Variants in NALCN observed in about 807,000 individuals in gnomAD.
NALCN encodes sodium leak channel NALCN.
Under a neutral mutation model 225.3 loss-of-function variants are expected in NALCN, and 111 were observed. The ratio of observed to expected loss-of-function variants is 0.49; its 90% CI spans 0.42 to 0.58. The LOEUF is 0.58. Among genes scored for constraint, NALCN ranks in the 20% least tolerant of loss-of-function variants. The probability of loss-of-function intolerance (pLI) is 0.00; values close to 1 mark genes in which losing one functional copy is unlikely to be tolerated. For missense variants in NALCN, 1,378 were observed against 2,202.4 expected, an observed-to-expected ratio of 0.63 and a Z score of 7.49; for synonymous variants, 764 against 769.0, an observed-to-expected ratio of 0.99 and a Z score of 0.11.
chr13:101,188,108 A>G (rs1419216087), intron 14 of NALCN, among the ~76,000 whole-genome samples: 1 of 152,200 alleles, frequency 6.6e-6, no homozygotes, highest in African/African-American at 2.4e-5. Flanking sequence ...GCAGCATTAT[A>G]AAAGTACAAC....
chr13:101,058,428 A>G, intron 42 of NALCN: 1 of 159,568 alleles, frequency 6.3e-6, no homozygotes, highest in Non-Finnish European at 1.3e-5. Context: ...GGGCGGGGGC[A>G]GTCTACTGTC....
intron 17 of NALCN, among the ~76,000 whole-genome samples, chr13:101,130,599 G>C (rs762347593): frequency 8.5e-5 from 13 of 152,170 alleles, no homozygotes; most frequent in Non-Finnish European, 1.9e-4. Context: ...CTTGAAAGTT[G>C]AAAGTCAGTT....
At chr13:101,197,848 G>T (rs1157082609) in intron 13 of NALCN, among the ~76,000 whole-genome samples, 1 of 152,124 alleles carries the variant, frequency 6.6e-6, no homozygotes, top group Non-Finnish European at 1.5e-5. Flanking sequence ...CAGTTGAGTG[G>T]GACAACAAAA....
At chr13:101,219,418 TTG>T (rs2040855867) in intron 13 of NALCN, among the ~76,000 whole-genome samples, 1 of 152,098 alleles carries the variant, frequency 6.6e-6, no homozygotes, top group Non-Finnish European at 1.5e-5. Flanking sequence ...TGACAGATGT[TTG>T]TGTTGGTTCA....
At chr13:101,347,170 A>G (rs1296351067) in intron 6 of NALCN, among the ~76,000 whole-genome samples, 1 of 131,392 alleles carries the variant, frequency 7.6e-6, no homozygotes, top group African/African-American at 2.8e-5. Flanking sequence ...CACACACCCC[A>G]TGGCTGGTGA....
intron 7 of NALCN, among the ~76,000 whole-genome samples, chr13:101,304,250 ATTATG>A (rs1326883412): frequency 6.6e-6 from 1 of 151,790 alleles, no homozygotes; most frequent in Non-Finnish European, 1.5e-5. Context: ...TTGTTATTTT[ATTATG>A]TTATTATTTT....
At chr13:101,106,743 T>C (rs934583911) in intron 22 of NALCN, among the ~76,000 whole-genome samples, 1 of 152,316 alleles carries the variant, frequency 6.6e-6, no homozygotes, top group African/African-American at 2.4e-5. Flanking sequence ...GATGTGCCTT[T>C]TGCCTTCCAC....
At chr13:101,111,712 A>G (rs2035449082) in intron 18 of NALCN, among the ~76,000 whole-genome samples, 1 of 152,112 alleles carries the variant, frequency 6.6e-6, no homozygotes, top group African/African-American at 2.4e-5. Context: ...GATGGTTTTA[A>G]AAAGGGGAGT....
intron 1 of NALCN, among the ~76,000 whole-genome samples, chr13:101,411,156 A>G (rs2047770060): frequency 6.6e-6 from 1 of 152,082 alleles, no homozygotes; most frequent in South Asian, 2.1e-4. Context: ...GAGTTTATCT[A>G]TGTCATAGTG....
chr13:101,235,606 A>G (rs2041525884), intron 12 of NALCN, among the ~76,000 whole-genome samples: 1 of 152,200 alleles, frequency 6.6e-6, no homozygotes, highest in Non-Finnish European at 1.5e-5. Context: ...TTAAACATGT[A>G]TATCTCTTGC....
intron 7 of NALCN, among the ~76,000 whole-genome samples, chr13:101,326,758 A>G (rs1026819421): frequency 6.6e-6 from 1 of 152,214 alleles, no homozygotes; most frequent in Non-Finnish European, 1.5e-5. Context: ...GTGGTTCTGC[A>G]GAAGGCAATT....
chr13:101,059,239 G>T (rs2031629144), intron 42 of NALCN: 1 of 152,354 alleles, frequency 6.6e-6, no homozygotes, highest in Non-Finnish European at 1.5e-5. Flanking sequence ...CATACATAGA[G>T]TTTGAAAATG....
At chr13:101,088,710 G>A (rs2034057472) in intron 30 of NALCN, among the ~76,000 whole-genome samples, 1 of 152,130 alleles carries the variant, frequency 6.6e-6, no homozygotes, top group African/African-American at 2.4e-5. Flanking sequence ...CAAGTGCCTA[G>A]ATGAGCAAGC....
chr13:101,137,529 TA>T (rs201371119), intron 17 of NALCN, among the ~76,000 whole-genome samples: 32 of 151,738 alleles, frequency 2.1e-4, no homozygotes, highest in East Asian at 3.9e-4. Context: ...TGTATGGCAA[TA>T]AAAAAAACGG....
In NALCN at chr13:101,378,643, G is replaced by A; in HGVS notation, c.302C>T (p.Ser101Phe). Residue 101 changes from serine to phenylalanine, a missense_variant, in exon 4 of 44, where the codon TCC (serine) becomes TTC (phenylalanine). Around this residue, in one of 19 missense-constraint regions of NALCN, gnomAD observed 146 missense variants for 205.9 expected, o/e 0.71. Coordinates refer to ENST00000251127, the MANE Select transcript of NALCN (RefSeq NM_052867.4). ...AACACACCAGCGATCTTTCACATAGGAACTATCCCCCTAAAAATAAATTTT... is the reference window on the plus strand; with the variant it reads ...AACACACCAGCGATCTTTCACATAGAAACTATCCCCCTAAAAATAAATTTT... Reference protein sequence around the residue: ...HIRGIVKGDSSYVKDRWCVFD... With the variant: ...HIRGIVKGDSFYVKDRWCVFD... 6.2e-7 allele frequency: 1 copy of A among 1,607,464 alleles called. No homozygotes were observed. The highest frequency in any genetic ancestry group is 8.5e-7 in the Non-Finnish European group (1 of 1,176,526).
intron 7 of NALCN, among the ~76,000 whole-genome samples, chr13:101,304,592 C>T (rs2044089711): frequency 6.6e-6 from 1 of 152,014 alleles, no homozygotes; most frequent in Non-Finnish European, 1.5e-5. Context: ...CACTCACTAC[C>T]ACGCCTGGTT....
intron 40 of NALCN, among the ~76,000 whole-genome samples, chr13:101,064,877 CT>C (rs2139422288): frequency 6.6e-6 from 1 of 152,292 alleles, no homozygotes; most frequent in African/African-American, 2.4e-5. Context: ...AAGGCAGAGA[CT>C]CCATTTGACC....
At chr13:101,170,456 C>T (rs1190352035) in intron 15 of NALCN, among the ~76,000 whole-genome samples, 2 of 152,176 alleles carry the variant, frequency 1.3e-5, no homozygotes, top group Non-Finnish European at 2.9e-5. Flanking sequence ...TCCAGAACCA[C>T]CCGACAGATG....
At chr13:101,390,110 A>T (rs566531297) in intron 3 of NALCN, among the ~76,000 whole-genome samples, 1 of 152,212 alleles carries the variant, frequency 6.6e-6, no homozygotes, top group South Asian at 2.1e-4. Flanking sequence ...AAATAAAATA[A>T]TACATAAACG....
Sources: allele counts gnomAD v4.1 joint callset (sites outside exome capture counted in the v4.1 genomes callset), GRCh38; gene constraint gnomAD v4.1.1; regional missense constraint gnomAD v4.1.1; transcripts MANE v1.5; gene names NCBI Gene and HGNC (gene_info 2026-07-23, HGNC 2026-07-21).